The following AFG2A variants were observed in gnomAD, a reference collection of about 807,000 sequenced individuals.
The protein encoded by AFG2A is ATPase family gene 2 protein homolog A.
At chr4:123,053,858 T>A in the AFG2A span, among the ~76,000 whole-genome samples, 1 of 152,168 alleles carries the variant, frequency 6.6e-6, no homozygotes, top group Non-Finnish European at 1.5e-5. Context: ...GGGCTTAGAC[T>A]GGGTCTCCTC....
chr4:123,025,216 A>G, the AFG2A span, among the ~76,000 whole-genome samples: 1 of 152,240 alleles, frequency 6.6e-6, no homozygotes, highest in South Asian at 2.1e-4. Context: ...TGGAACTAAC[A>G]TCCAGTTACA....
At chr4:123,207,462 C>T in the AFG2A span, among the ~76,000 whole-genome samples, 25 of 152,080 alleles carry the variant, frequency 1.6e-4, 2 homozygotes, top group South Asian at 3.7e-3. Flanking sequence ...TACAGGCACA[C>T]GCCACCACAC....
the AFG2A span, among the ~76,000 whole-genome samples, chr4:122,986,594 G>A: frequency 3.3e-5 from 5 of 152,046 alleles, no homozygotes; most frequent in Admixed American, 1.3e-4. Flanking sequence ...GGACTTGGCG[G>A]GAAGAATGGG....
At chr4:123,157,783 C>T in the AFG2A span, among the ~76,000 whole-genome samples, 8 of 152,124 alleles carry the variant, frequency 5.3e-5, no homozygotes, top group Admixed American at 4.6e-4. Flanking sequence ...ATGTCATCAT[C>T]AAGTGAAAGT....
the AFG2A span, among the ~76,000 whole-genome samples, chr4:123,122,053 T>A: frequency 6.6e-6 from 1 of 152,174 alleles, no homozygotes; most frequent in African/African-American, 2.4e-5. Context: ...CTGGATTTTG[T>A]TTGATTATTT....
At chr4:123,223,258 G>T in the AFG2A span, among the ~76,000 whole-genome samples, 2 of 152,076 alleles carry the variant, frequency 1.3e-5, no homozygotes, top group Non-Finnish European at 1.5e-5. Context: ...AAGGCTCATT[G>T]TAAGTTTGAT....
chr4:123,266,396 G>A, the AFG2A span, among the ~76,000 whole-genome samples: 1 of 151,856 alleles, frequency 6.6e-6, no homozygotes, highest in South Asian at 2.1e-4. Flanking sequence ...CATATAACAA[G>A]TGCTCAGTAA....
the AFG2A span, among the ~76,000 whole-genome samples, chr4:122,982,864 CTTTTTTTTTT>C: frequency 2.1e-5 from 2 of 93,766 alleles, no homozygotes; most frequent in Non-Finnish European, 1.9e-5. Flanking sequence ...TAATCTTCTT[CTTTTTTTTTT>C]TTTTTTTTTT....
chr4:123,055,871 CT>C, the AFG2A span, among the ~76,000 whole-genome samples: 1 of 152,152 alleles, frequency 6.6e-6, no homozygotes. Flanking sequence ...CTTGTGGTGA[CT>C]GTTTATCTTA....
At chr4:123,269,770 T>G in the AFG2A span, among the ~76,000 whole-genome samples, 1 of 152,214 alleles carries the variant, frequency 6.6e-6, no homozygotes, top group Admixed American at 6.5e-5. Flanking sequence ...AATGCATCTT[T>G]TCTTTTTCCG....
the AFG2A span, among the ~76,000 whole-genome samples, chr4:123,288,551 C>T: frequency 6.6e-6 from 1 of 152,180 alleles, no homozygotes; most frequent in South Asian, 2.1e-4. Flanking sequence ...ACAACACCTG[C>T]AGTATCCTTC....
At chr4:123,286,273 C>T in the AFG2A span, among the ~76,000 whole-genome samples, 2 of 152,242 alleles carry the variant, frequency 1.3e-5, no homozygotes, top group South Asian at 4.1e-4. Context: ...ATCATTGTTA[C>T]ATTTTGTCAC....
the AFG2A span, among the ~76,000 whole-genome samples, chr4:123,202,555 T>A: frequency 7.2e-5 from 11 of 152,306 alleles, no homozygotes; most frequent in African/African-American, 2.4e-4. Context: ...AATGGTGATA[T>A]CTTATATCTG....
At chr4:123,295,966 C>T in the AFG2A span, among the ~76,000 whole-genome samples, 3 of 152,078 alleles carry the variant, frequency 2.0e-5, no homozygotes, top group Admixed American at 1.3e-4. Flanking sequence ...TAACATTTTT[C>T]GGGAAGGTGG....
chr4:122,924,452 T>G, the AFG2A span, among the ~76,000 whole-genome samples: 3 of 152,210 alleles, frequency 2.0e-5, no homozygotes, highest in African/African-American at 7.2e-5. Context: ...ACAGCAACTT[T>G]TGGTATTGTT....
At chr4:123,061,805 C>T in the AFG2A span, among the ~76,000 whole-genome samples, 2 of 152,186 alleles carry the variant, frequency 1.3e-5, no homozygotes, top group Admixed American at 6.5e-5. Flanking sequence ...TGTTACAAAA[C>T]TCAGGTTTAC....
the AFG2A span, among the ~76,000 whole-genome samples, chr4:123,060,436 G>A: frequency 2.6e-5 from 4 of 152,314 alleles, no homozygotes; most frequent in Admixed American, 6.5e-5. Flanking sequence ...AAATCTAGGC[G>A]GAAGTTCCCA....
At chr4:122,923,537 T>C in the AFG2A span, among the ~76,000 whole-genome samples, 4 of 152,224 alleles carry the variant, frequency 2.6e-5, no homozygotes, top group Non-Finnish European at 4.4e-5. Flanking sequence ...GGTTTCTCTT[T>C]TGTAAATTAT....
At chr4:123,111,705 ATAC>A in the AFG2A span, among the ~76,000 whole-genome samples, 4 of 150,486 alleles carry the variant, frequency 2.7e-5, no homozygotes, top group East Asian at 1.9e-4. Flanking sequence ...GTTTTGTATT[ATAC>A]TTCTTCTTCT....
Sources: gnomAD v4.1 joint callset for allele counts (sites outside exome capture counted in the v4.1 genomes callset) on GRCh38, gnomAD v4.1.1 for gene constraint, MANE v1.5 for transcripts, NCBI Gene and HGNC (gene_info 2026-07-23, HGNC 2026-07-21) for gene names.